Variants in PLCL1 observed in about 807,000 individuals in gnomAD.
The protein encoded by PLCL1 is phospholipase C like 1 (inactive).
A neutral mutation model predicts 84.4 loss-of-function variants in PLCL1; 41 were observed. The observed-to-expected ratio is 0.49, with a 90% confidence interval of 0.38 to 0.63. The LOEUF is 0.63. Among genes scored for constraint, PLCL1 ranks in the 30% least tolerant of loss-of-function variants. The pLI, the probability that PLCL1 is intolerant of heterozygous loss-of-function variation, is 0.00. For missense variants in PLCL1, 1,206 were observed against 1,367.8 expected, an observed-to-expected ratio of 0.88 and a Z score of 1.87; for synonymous variants, 490 against 488.3, an observed-to-expected ratio of 1.00 and a Z score of -0.05.
chr2:197,995,978 C>G lies in PLCL1; in HGVS notation c.241-87780C>G, dbSNP rs539201625. Among the ~76,000 whole-genome samples, 12 of 152,244 alleles carry G rather than the reference C, an allele frequency of 7.9e-5. No homozygotes were observed. The South Asian group carries it at 2.3e-3, about 29-fold the overall frequency. ...TTTGGGGGAGAAACAAGTGCCTCTG[C>G]AAACATTTTTGTATTTGGGAAGTGG... On this transcript the variant is annotated intron_variant, in intron 1 of 5. Coordinates refer to ENST00000428675, the MANE Select transcript of PLCL1 (RefSeq NM_006226.4).
intron 1 of PLCL1, among the ~76,000 whole-genome samples, chr2:197,998,565 C>T (rs1372744086): frequency 6.6e-6 from 1 of 152,058 alleles, no homozygotes; most frequent in Non-Finnish European, 1.5e-5. Flanking sequence ...ATGGGGGCCT[C>T]CTGTTTTTGA....
chr2:198,055,734 G>A (rs1361035182), intron 1 of PLCL1, among the ~76,000 whole-genome samples: 1 of 151,976 alleles, frequency 6.6e-6, no homozygotes, highest in Non-Finnish European at 1.5e-5. Flanking sequence ...TTATGATAAG[G>A]ATTGTATAGC....
At chr2:197,948,944 G>A (rs536944905) in intron 1 of PLCL1, among the ~76,000 whole-genome samples, 132 of 152,200 alleles carry the variant, frequency 8.7e-4, no homozygotes, top group African/African-American at 1.7e-3. Flanking sequence ...TCATATGTTT[G>A]CCCTTTGTCA....
At chr2:198,123,049 A>G (rs1693905654) in intron 5 of PLCL1, among the ~76,000 whole-genome samples, 1 of 152,134 alleles carries the variant, frequency 6.6e-6, no homozygotes, top group African/African-American at 2.4e-5. Context: ...CACCTGGTCC[A>G]TAGCTGTTTC....
At chr2:198,046,374 G>A (rs1201390387) in intron 1 of PLCL1, among the ~76,000 whole-genome samples, 1 of 152,184 alleles carries the variant, frequency 6.6e-6, no homozygotes, top group Non-Finnish European at 1.5e-5. Context: ...AGATGCTAAA[G>A]GAGAAAGAAA....
intron 1 of PLCL1, among the ~76,000 whole-genome samples, chr2:198,077,371 T>C (rs1267267122): frequency 6.6e-6 from 1 of 152,108 alleles, no homozygotes; most frequent in Admixed American, 6.6e-5. Flanking sequence ...AAAAGGAACA[T>C]AAGACATTCT....
At position 197,983,200 on chromosome 2, in the gene PLCL1, C is replaced by CTTTTTTTTTTTT. The variant is rs760577848; in HGVS notation, c.241-100530_241-100519dup. Among the ~76,000 whole-genome samples, 32 of 60,286 alleles carry CTTTTTTTTTTTT rather than the reference C, an allele frequency of 5.3e-4. 1 individual carries two copies. The highest frequency in any genetic ancestry group is 1.1e-3 in the East Asian group (2 of 1,876). 39.5% of individuals were successfully genotyped at this position (60,286 alleles called of 152,430 possible). On this transcript the variant is annotated intron_variant, in intron 1 of 5. Transcript: ENST00000428675. ...TTTCTTTTTCTTTTTCTTTTCTTTT[C>CTTTTTTTTTTTT]TTTTTTTTTTTTTTTTTTTTTTTTT...
At chr2:197,965,973 G>T (rs1326757993) in intron 1 of PLCL1, among the ~76,000 whole-genome samples, 1 of 151,976 alleles carries the variant, frequency 6.6e-6, no homozygotes, top group Non-Finnish European at 1.5e-5. Flanking sequence ...GGGCCCAAGG[G>T]CTCTTTAGTC....
chr2:198,086,249 C>T lies in PLCL1; in HGVS notation c.2715+17C>T. On this transcript the variant is annotated intron_variant, in intron 2 of 5. Transcript: ENST00000428675. ...AATATGCAGGTAGGAGAAACACTCACACTCTCCTTCCCTATCCCTGCTTAT... is the reference window on the plus strand; with the variant it reads ...AATATGCAGGTAGGAGAAACACTCATACTCTCCTTCCCTATCCCTGCTTAT... The T allele has an allele frequency of 1.3e-6, 2 of 1,493,088 alleles. No individual in the cohort carries two copies. The allele number at this position is 1,493,088 out of a possible 1,614,324, so 92.5% of individuals were successfully genotyped here.
intron 1 of PLCL1, among the ~76,000 whole-genome samples, chr2:197,853,869 A>T (rs905223202): frequency 1.3e-5 from 2 of 152,122 alleles, no homozygotes; most frequent in African/African-American, 4.8e-5. Flanking sequence ...GACTAATTTA[A>T]TATGTACTGA....
At chr2:197,905,386 G>T (rs2105740926) in intron 1 of PLCL1, among the ~76,000 whole-genome samples, 1 of 152,278 alleles carries the variant, frequency 6.6e-6, no homozygotes, top group South Asian at 2.1e-4. Context: ...TGAAAATGAT[G>T]GTTTCCAGCT....
chr2:197,867,431 A>G (rs536197953), intron 1 of PLCL1, among the ~76,000 whole-genome samples: 3 of 151,874 alleles, frequency 2.0e-5, no homozygotes, highest in Non-Finnish European at 2.9e-5. Context: ...TTGCTATTAC[A>G]TTATGGAGCA....
chr2:197,808,020 GACA>G lies in PLCL1; in HGVS notation c.240+2685_240+2687del, dbSNP rs1458989871. Reference sequence around the variant, plus strand: ...TTTCTTCTGAGCTGAGGAAAACAATGACAACATTTATCTGTATGCATCTTCAGA... The same window carrying G: ...TTTCTTCTGAGCTGAGGAAAACAATGACATTTATCTGTATGCATCTTCAGA... On this transcript the variant is annotated intron_variant, in intron 1 of 5. Transcript: ENST00000428675. Among the ~76,000 whole-genome samples the G allele has an allele frequency of 2.0e-5, 3 of 152,270 alleles. No homozygotes were observed. The South Asian group carries it at 6.2e-4, about 32-fold the overall frequency.
intron 1 of PLCL1, among the ~76,000 whole-genome samples, chr2:197,842,635 C>CT (rs1174086273): frequency 1.3e-5 from 2 of 152,004 alleles, no homozygotes; most frequent in Non-Finnish European, 2.9e-5. Flanking sequence ...TGTACTTAAC[C>CT]TTTTTTGTGG....
chr2:198,095,089 A>G (rs1187702747), intron 3 of PLCL1, among the ~76,000 whole-genome samples: 1 of 152,192 alleles, frequency 6.6e-6, no homozygotes, highest in Non-Finnish European at 1.5e-5. Context: ...AGCTGTTGGC[A>G]TTGGATTGTT....
At chr2:197,916,136 A>G (rs938929) in intron 1 of PLCL1, among the ~76,000 whole-genome samples, 76,403 of 152,020 alleles carry the variant, frequency 0.5, 19,820 homozygotes, top group East Asian at 0.77. Flanking sequence ...CATTTTCAGC[A>G]TTCAGATAAC....
At chr2:198,077,299 C>A (rs1033057473) in intron 1 of PLCL1, among the ~76,000 whole-genome samples, 1 of 151,664 alleles carries the variant, frequency 6.6e-6, no homozygotes, top group African/African-American at 2.4e-5. Context: ...CAAACCTGCA[C>A]GTTGTGCACA....
At chr2:198,074,752 T>A (rs1040640512) in intron 1 of PLCL1, among the ~76,000 whole-genome samples, 1 of 152,230 alleles carries the variant, frequency 6.6e-6, no homozygotes, top group African/African-American at 2.4e-5. Flanking sequence ...TTGTCAGGAA[T>A]GTTCGTGACA....
intron 1 of PLCL1, among the ~76,000 whole-genome samples, chr2:198,007,241 T>A (rs1165913721): frequency 6.6e-6 from 1 of 152,130 alleles, no homozygotes; most frequent in Non-Finnish European, 1.5e-5. Context: ...GGGATCAGCA[T>A]TGAGCTCACT....
Sources: allele counts gnomAD v4.1 joint callset (sites outside exome capture counted in the v4.1 genomes callset), GRCh38; gene constraint gnomAD v4.1.1; transcripts MANE v1.5; gene names NCBI Gene and HGNC (gene_info 2026-07-23, HGNC 2026-07-21).